LNPEP: variants seen among roughly 807,000 people sequenced by gnomAD.
LNPEP encodes the protein leucyl-cystinyl aminopeptidase.
A neutral mutation model predicts 120.6 loss-of-function variants in LNPEP; 64 were observed. The ratio of observed to expected loss-of-function variants is 0.53; its 90% CI spans 0.43 to 0.65. The LOEUF (loss-of-function observed/expected upper bound fraction) is 0.65. Among genes scored for constraint, LNPEP ranks in the 30% least tolerant of loss-of-function variants. The pLI is 0.00. For synonymous variants in LNPEP, 435 were observed against 425.4 expected (o/e 1.02, Z -0.28); for missense variants, 1,057 against 1,200.0 (o/e 0.88, Z 1.76).
At chr5:97,011,100 T>A (rs1389512188) in intron 11 of LNPEP, 2 of 985,348 alleles carry the variant, frequency 2.0e-6, no homozygotes, top group Non-Finnish European at 2.4e-6. Context: ...GTATTCCGTA[T>A]GTATTTCAAT....
chr5:96,973,328 G>A (rs1789914045), intron 1 of LNPEP, among the ~76,000 whole-genome samples: 1 of 151,670 alleles, frequency 6.6e-6, no homozygotes, highest in South Asian at 2.1e-4. Context: ...TTCTTTTTAA[G>A]CTTAAACTTA....
chr5:96,985,761 T>G (rs567362940), intron 3 of LNPEP, among the ~76,000 whole-genome samples: 2 of 151,198 alleles, frequency 1.3e-5, no homozygotes, highest in South Asian at 2.1e-4. Flanking sequence ...TTTTTTTGTT[T>G]TTTTTTTTTT....
intron 4 of LNPEP, among the ~76,000 whole-genome samples, chr5:96,989,323 TATATAATTATATATAATATATA>T (rs1790323258): frequency 4.8e-5 from 1 of 20,876 alleles, no homozygotes; most frequent in East Asian, 1.3e-3. Context: ...TTATATATAA[TATATAATTATATATAATATATA>T]ATATATTATA....
intron 1 of LNPEP, among the ~76,000 whole-genome samples, chr5:96,939,222 T>TC (rs1252521116): frequency 6.6e-6 from 1 of 151,064 alleles, no homozygotes; most frequent in East Asian, 1.9e-4. Context: ...CTTTCTTTTT[T>TC]TTTTTTTTTG....
intron 17 of LNPEP, 152 bp from the exon 18 acceptor site, chr5:97,028,250 T>C (rs1475358529): frequency 8.6e-6 from 6 of 700,746 alleles, no homozygotes; most frequent in African/African-American, 1.8e-5. Flanking sequence ...GGGAACTCCA[T>C]GTAGATACCT....
rs1790070586 is a variant in LNPEP at position 96,979,319 on chromosome 5, A to G, written c.201A>G (p.Glu67=). 1.2e-6 allele frequency: 2 copies of G among 1,614,006 alleles called. No individual in the cohort carries two copies. Among genetic ancestry groups the G allele is most frequent in the Non-Finnish European group, 1.7e-6 (2 of 1,179,938 alleles). ...GTGAGCATGAGATGGAGGAGGATGAAGAGGATTATGAGTCATCAGCAAAGC... is the reference window on the plus strand; with the variant it reads ...GTGAGCATGAGATGGAGGAGGATGAGGAGGATTATGAGTCATCAGCAAAGC... ...GLGEHEMEED[E]EDYESSAKLL... The change falls in exon 2 of 18, where the codon GAA becomes GAG. Residue 67 remains glutamate, a synonymous_variant. Coordinates refer to ENST00000231368, the MANE Select transcript of LNPEP (RefSeq NM_005575.3).
intron 1 of LNPEP, among the ~76,000 whole-genome samples, chr5:96,952,205 T>C (rs181583615): frequency 1.3e-5 from 2 of 152,368 alleles, no homozygotes; most frequent in East Asian, 3.8e-4. Flanking sequence ...TTTTTCATTT[T>C]TGCAAATCTT....
rs1790285941 is a variant in LNPEP, at chr5:96,988,155, C to T, written c.1131+1485C>T. 1.3e-5 allele frequency among the ~76,000 whole-genome samples: 2 copies of T among 151,770 alleles called. 1 individual carries two copies. The highest frequency in any genetic ancestry group is 4.2e-4 in the South Asian group (2 of 4,818). On this transcript the variant is annotated intron_variant, in intron 4 of 17. Transcript: ENST00000231368. ...TTTTCTTCCTTCCTCTTCACTCTCT[C>T]TCTTCCTTTTTCCCCCTTTCTCTCA...
chr5:97,020,927 C>T (rs1243639462), intron 13 of LNPEP, among the ~76,000 whole-genome samples: 7 of 152,132 alleles, frequency 4.6e-5, no homozygotes, highest in Non-Finnish European at 7.3e-5. Context: ...ACCCCCCACC[C>T]GCCATGCACA....
rs1444130370 is a variant in LNPEP at position 97,034,040 on chromosome 5, A to C, written c.*5507A>C. 1 of 152,138 alleles carries C rather than the reference A, an allele frequency of 6.6e-6. No individual in the cohort carries two copies. Among genetic ancestry groups the C allele is most frequent in the Non-Finnish European group, 1.5e-5 (1 of 68,018 alleles). The allele number at this position is 152,138 out of a possible 1,614,324, so 9.4% of individuals were successfully genotyped here. On this transcript the variant is annotated 3_prime_UTR_variant, in exon 18 of 18. Coordinates refer to ENST00000231368, the MANE Select transcript of LNPEP (RefSeq NM_005575.3). Reference sequence around the variant, plus strand: ...TATTGTATTATTTCATGCTGTACCCAGTCCATTGCTTGGACTTACGGGTAC... The same window carrying C: ...TATTGTATTATTTCATGCTGTACCCCGTCCATTGCTTGGACTTACGGGTAC...
intron 4 of LNPEP, among the ~76,000 whole-genome samples, chr5:96,989,314 T>A (rs251851): frequency 0.067 from 1,746 of 25,978 alleles, 39 homozygotes; most frequent in South Asian, 0.33. Flanking sequence ...TATTGTATAT[T>A]ATATATAATA....
rs1561455270 is a variant in LNPEP at position 97,021,918 on chromosome 5, C to CTTTTTT, written c.2377-378_2377-377insTTTTTT. Among the ~76,000 whole-genome samples the CTTTTTT allele has an allele frequency of 1.3e-3, 64 of 50,000 alleles. 1 individual carries two copies. The highest frequency in any genetic ancestry group is 0.011 in the Admixed American group (55 of 5,040). 32.8% of individuals were successfully genotyped at this position (50,000 alleles called of 152,430 possible). ...TCCTGGGGTTTTTTTTGTTTTTTGT[C>CTTTTTT]TTTTGTTTTTTTTTTTTTTTTTTTT... On this transcript the variant is annotated intron_variant, in intron 13 of 17. Coordinates refer to ENST00000231368, the MANE Select transcript of LNPEP (RefSeq NM_005575.3).
At position 97,029,179 on chromosome 5, in the gene LNPEP, T is replaced by C. The variant is rs1344718928; in HGVS notation, c.*646T>C. The stretch of plus-strand genomic sequence containing the variant: ...CTACAGATTTTTAAAATTTTTGTTG[T>C]ATTGAAAAGCTAAACAAGGCCAAAA... On this transcript the variant is annotated 3_prime_UTR_variant, in exon 18 of 18. Transcript: ENST00000231368. 6.6e-6 allele frequency: 1 copy of C among 152,418 alleles called. No homozygotes were observed. The highest frequency in any genetic ancestry group is 1.5e-5 in the Non-Finnish European group (1 of 68,040). 9.4% of individuals were successfully genotyped at this position (152,418 alleles called of 1,614,324 possible). A position where few individuals can be genotyped will look rare whatever the true frequency, so the allele number is the denominator to read the frequency against.
At chr5:96,989,421 T>C (rs1483538314) in intron 4 of LNPEP, among the ~76,000 whole-genome samples, 1 of 132,544 alleles carries the variant, frequency 7.5e-6, no homozygotes, top group Non-Finnish European at 1.6e-5. Flanking sequence ...AATATATAAT[T>C]ATATATTATA....
At chr5:96,976,160 G>A (rs1789988408) in intron 1 of LNPEP, among the ~76,000 whole-genome samples, 2 of 152,040 alleles carry the variant, frequency 1.3e-5, no homozygotes, top group South Asian at 4.1e-4. Context: ...TAGGCTTGAA[G>A]TACCTTCATG....
At chr5:96,984,757 A>G (rs888305866) in intron 2 of LNPEP, among the ~76,000 whole-genome samples, 1 of 152,198 alleles carries the variant, frequency 6.6e-6, no homozygotes, top group Non-Finnish European at 1.5e-5. Flanking sequence ...TTTCCAGAGT[A>G]TACTTTCTTC....
intron 16 of LNPEP, among the ~76,000 whole-genome samples, chr5:97,027,210 G>A (rs769542685): frequency 1.6e-4 from 24 of 152,126 alleles, no homozygotes; most frequent in Admixed American, 9.8e-4. Context: ...AAAATTAGCC[G>A]GGCATGGTGG....
intron 1 of LNPEP, among the ~76,000 whole-genome samples, chr5:96,959,971 C>G (rs1006585921): frequency 7.5e-6 from 1 of 132,466 alleles, no homozygotes; most frequent in Admixed American, 8.1e-5. Context: ...CCAAGTCTCA[C>G]TCTTTTGCCC....
At chr5:96,943,589 C>A (rs1581972848) in intron 1 of LNPEP, among the ~76,000 whole-genome samples, 1 of 152,192 alleles carries the variant, frequency 6.6e-6, no homozygotes, top group Non-Finnish European at 1.5e-5. Context: ...GGCCCTGTGG[C>A]CAGCCTACTA....
Sources: allele counts gnomAD v4.1 joint callset (sites outside exome capture counted in the v4.1 genomes callset), GRCh38; gene constraint gnomAD v4.1.1; transcripts MANE v1.5; gene names NCBI Gene and HGNC (gene_info 2026-07-23, HGNC 2026-07-21).